Variants in TRIOBP observed in about 807,000 individuals in gnomAD.
The protein encoded by TRIOBP is TRIO and F-actin binding protein.
Under a neutral mutation model 238.8 loss-of-function variants are expected in TRIOBP, and 169 were observed. The observed-to-expected ratio is 0.71, with a 90% CI of 0.62 to 0.80. The LOEUF (loss-of-function observed/expected upper bound fraction) is 0.80, where lower values mean the gene tolerates loss of function less well. Ranked by LOEUF, TRIOBP falls within the 30% of genes least tolerant of loss-of-function variation. TRIOBP has a pLI of 0.00. For synonymous variants in TRIOBP, 1,150 were observed against 1,274.4 expected (o/e 0.90, Z 2.08); for missense variants, 2,838 against 3,122.6 (o/e 0.91, Z 2.17).
intron 17 of TRIOBP, chr22:37,759,666 A>C: frequency 2.0e-6 from 3 of 1,525,192 alleles, no homozygotes; most frequent in Non-Finnish European, 2.6e-6. Flanking sequence ...GCCGAGGCCC[A>C]CTGGGCCAAG....
intron 11 of TRIOBP, chr22:37,750,538 C>A: frequency 2.3e-6 from 1 of 427,940 alleles, no homozygotes; most frequent in Non-Finnish European, 5.0e-6. Flanking sequence ...GGGCAGCCTC[C>A]GTCTCAGGTG....
At chr22:37,771,787 G>C (rs985419704) in intron 22 of TRIOBP, 51 bp downstream of exon 22, 2 of 1,554,194 alleles carry the variant, frequency 1.3e-6, no homozygotes, top group Non-Finnish European at 1.8e-6. Context: ...GAGCCATCTG[G>C]ATGCCATCCT....
chr22:37,713,742 G>C (rs940828965), intron 5 of TRIOBP, among the ~76,000 whole-genome samples: 4 of 152,224 alleles, frequency 2.6e-5, no homozygotes, highest in African/African-American at 9.6e-5. Context: ...TCTAGCGCAA[G>C]AGTGGCACAG....
chr22:37,734,148 C>A (rs957090380), intron 8 of TRIOBP, among the ~76,000 whole-genome samples: 1 of 152,210 alleles, frequency 6.6e-6, no homozygotes, highest in Non-Finnish European at 1.5e-5. Context: ...GAATCAGTAT[C>A]TTTGAGAGGG....
intron 11 of TRIOBP, among the ~76,000 whole-genome samples, chr22:37,746,853 G>A (rs1034189534): frequency 1.3e-5 from 2 of 152,194 alleles, no homozygotes; most frequent in Non-Finnish European, 2.9e-5. Flanking sequence ...GGTGCGGATG[G>A]GTCGCGCTGA....
rs1175913171 is a variant in TRIOBP at position 37,698,354 on chromosome 22, C to CTTTTT, written c.-61+678_-61+682dup. 5.7e-4 allele frequency among the ~76,000 whole-genome samples: 33 copies of CTTTTT among 57,938 alleles called. 4 individuals are homozygous for CTTTTT. Among genetic ancestry groups the CTTTTT allele is most frequent in the Middle Eastern group, 0.017 (1 of 60 alleles). The allele number at this position is 57,938 out of a possible 152,430, so 38.0% of individuals were successfully genotyped here. A position where few individuals can be genotyped will look rare whatever the true frequency, so the allele number is the denominator to read the frequency against. ...CCAGCCTGGGTAACACTGCAAGAGC[C>CTTTTT]TTTTTTTTTTTTTTTTTTTTTTTTG... On this transcript the variant is annotated intron_variant, in intron 2 of 23. Transcript: ENST00000644935.
chr22:37,724,745 C>G lies in TRIOBP; in HGVS notation c.2189C>G (p.Pro730Arg), dbSNP rs765429032. ...PRTSCARRDN[P>R]RASSRNRTIQ... ...ACATCCTGTGCCCGACGGGACAATC[C>G]CAGAGCCTCCTCTCGCAACAGAACC... The change falls in exon 7 of 24, where the codon CCC (proline) becomes CGC (arginine). Residue 730 changes from proline to arginine, a missense_variant. This residue lies in a region of TRIOBP where 167 missense variants were observed against 200.2 expected (regional missense o/e 0.83). Coordinates refer to ENST00000644935, the MANE Select transcript of TRIOBP (RefSeq NM_001039141.3). 6.2e-7 allele frequency: 1 copy of G among 1,612,310 alleles called. No homozygotes were observed. Among genetic ancestry groups the G allele is most frequent in the Non-Finnish European group, 8.5e-7 (1 of 1,179,520 alleles).
chr22:37,721,179 A>C (rs181884940), intron 6 of TRIOBP, among the ~76,000 whole-genome samples: 1 of 151,438 alleles, frequency 6.6e-6, no homozygotes, highest in African/African-American at 2.4e-5. Context: ...GCATCCAGCT[A>C]ATTTTTGTAT....
chr22:37,735,264 GC>G lies in TRIOBP; in HGVS notation c.4932del (p.Ala1645HisfsTer25). On this transcript the variant is annotated frameshift_variant, in exon 9 of 24. Coordinates refer to ENST00000644935, the MANE Select transcript of TRIOBP (RefSeq NM_001039141.3). LOFTEE classifies it high-confidence loss of function. Reference protein sequence around the residue: ...WAEATPVNGHSPALQSQSPVQ... With the variant: ...WAEATPVNGHXPALQSQSPVQ... ...GAGGCCACCCCAGTCAATGGACACA[GC>G]CCCGCACTGCAGTCCCAGAGCCCGG... 1 of 1,608,716 alleles carries G rather than the reference GC, an allele frequency of 6.2e-7. No individual in the cohort carries two copies. Among genetic ancestry groups the G allele is most frequent in the Non-Finnish European group, 8.5e-7 (1 of 1,176,078 alleles).
chr22:37,719,212 A>C lies in TRIOBP; in HGVS notation c.628+3278A>C, dbSNP rs934641450. The stretch of plus-strand genomic sequence containing the variant: ...AATAAGACTCCATCTCAAATAAATA[A>C]ATAAATAAATAAATAAATAAATAAG... On this transcript the variant is annotated intron_variant, in intron 6 of 23. Transcript: ENST00000644935. Among the ~76,000 whole-genome samples, 6 of 150,690 alleles carry C rather than the reference A, an allele frequency of 4.0e-5. No homozygotes were observed. In the South Asian group the frequency reaches 1.1e-3, roughly 27 times the overall value.
chr22:37,703,562 T>C (rs1349715026), intron 3 of TRIOBP, among the ~76,000 whole-genome samples: 1 of 147,506 alleles, frequency 6.8e-6, no homozygotes, highest in Non-Finnish European at 1.5e-5. Flanking sequence ...TGGAGTACAG[T>C]GGTGCGATCT....
At chr22:37,730,009 G>A (rs1924348613) in intron 7 of TRIOBP, among the ~76,000 whole-genome samples, 1 of 152,218 alleles carries the variant, frequency 6.6e-6, no homozygotes, top group South Asian at 2.1e-4. Flanking sequence ...TTTTCTTAAA[G>A]GGTTGTCACA....
intron 9 of TRIOBP, among the ~76,000 whole-genome samples, chr22:37,738,438 G>C (rs997916643): frequency 2.0e-5 from 3 of 152,088 alleles, no homozygotes; most frequent in Admixed American, 6.6e-5. Context: ...TACATGAATG[G>C]GTGATAGACA....
At chr22:37,759,059 A>G (rs535562910) in intron 16 of TRIOBP, 95 bp from the exon 17 acceptor site, 2 of 1,023,078 alleles carry the variant, frequency 2.0e-6, no homozygotes, top group East Asian at 2.6e-5. Flanking sequence ...CTGGGCTTGT[A>G]TCCGTGTGGA....
chr22:37,751,699 A>C (rs773839166), intron 11 of TRIOBP, 73 bp from the exon 12 acceptor site: 43 of 1,548,620 alleles, frequency 2.8e-5, no homozygotes, highest in Non-Finnish European at 3.6e-5. Flanking sequence ...GGGTGGGTGC[A>C]GCACGCTCCC....
At chr22:37,747,909 G>A (rs1379467302) in intron 11 of TRIOBP, among the ~76,000 whole-genome samples, 1 of 152,226 alleles carries the variant, frequency 6.6e-6, no homozygotes, top group Non-Finnish European at 1.5e-5. Context: ...CACGTGCTGA[G>A]CAAGGGTAAG....
chr22:37,734,242 G>A (rs755902720), intron 8 of TRIOBP, among the ~76,000 whole-genome samples, 157 bp from the exon 9 acceptor site: 9 of 152,166 alleles, frequency 5.9e-5, no homozygotes, highest in Admixed American at 2.6e-4. Flanking sequence ...AGCTGACCCC[G>A]GAGGGGTGGG....
intron 6 of TRIOBP, among the ~76,000 whole-genome samples, chr22:37,722,828 C>T (rs1056101727): frequency 6.6e-6 from 1 of 152,204 alleles, no homozygotes; most frequent in Non-Finnish European, 1.5e-5. Flanking sequence ...GTTGGGCCCA[C>T]CTCTCCCTCC....
intron 11 of TRIOBP, chr22:37,746,335 G>GCGGC: frequency 1.7e-6 from 2 of 1,163,278 alleles, no homozygotes; most frequent in East Asian, 3.9e-5. Flanking sequence ...GGCGGCGGCG[G>GCGGC]GGTTCCCGCG....
Sources: allele counts gnomAD v4.1 joint callset (sites outside exome capture counted in the v4.1 genomes callset), GRCh38; gene constraint gnomAD v4.1.1; regional missense constraint gnomAD v4.1.1; transcripts MANE v1.5; gene names NCBI Gene and HGNC (gene_info 2026-07-23, HGNC 2026-07-21).